MACROD2: variants seen among roughly 807,000 people sequenced by gnomAD.
MACROD2 encodes mono-ADP ribosylhydrolase 2.
Under a neutral mutation model 70.4 loss-of-function variants are expected in MACROD2, and 36 were observed. The ratio of observed to expected loss-of-function variants is 0.51; its 90% CI spans 0.39 to 0.68. MACROD2 has a LOEUF of 0.68. Among genes scored for constraint, MACROD2 ranks in the 30% least tolerant of loss-of-function variants. The pLI is 0.00. For synonymous variants in MACROD2, 172 were observed against 178.8 expected, an observed-to-expected ratio of 0.96 and a Z score of 0.30; for missense variants, 496 against 538.4, an observed-to-expected ratio of 0.92 and a Z score of 0.78.
intron 15 of MACROD2, among the ~76,000 whole-genome samples, chr20:16,025,236 G>A (rs555680397): frequency 1.3e-3 from 202 of 152,290 alleles, no homozygotes; most frequent in Middle Eastern, 6.8e-3. Flanking sequence ...TTTGGTGCTC[G>A]CAGAGTCCAT....
At chr20:14,800,453 A>G (rs1167165819) in intron 5 of MACROD2, among the ~76,000 whole-genome samples, 3 of 152,118 alleles carry the variant, frequency 2.0e-5, no homozygotes, top group Non-Finnish European at 4.4e-5. Context: ...GGTGAAAATC[A>G]TTGCCTACCA....
intron 4 of MACROD2, among the ~76,000 whole-genome samples, chr20:14,647,928 C>T (rs747998943): frequency 6.6e-6 from 1 of 152,070 alleles, no homozygotes; most frequent in Non-Finnish European, 1.5e-5. Flanking sequence ...GACCCAACAC[C>T]ACCTCTTTCC....
At position 15,589,760 on chromosome 20, in the gene MACROD2, G is replaced by A. The variant is rs9636533; in HGVS notation, c.645+89913G>A. On this transcript the variant is annotated intron_variant, in intron 8 of 17. Transcript: ENST00000684519. ...TTTGCCTTTTCCAGAATGTCATATA[G>A]TTGGAACCACTTAGTCTGTTCAGAC... 8.6e-3 allele frequency among the ~76,000 whole-genome samples: 1,302 copies of A among 152,234 alleles called. 10 individuals are homozygous for A. The highest frequency in any genetic ancestry group is 0.057 in the East Asian group (293 of 5,180).
intron 15 of MACROD2, among the ~76,000 whole-genome samples, chr20:16,013,030 C>T (rs368092111): frequency 6.6e-6 from 1 of 151,986 alleles, no homozygotes; most frequent in African/African-American, 2.4e-5. Context: ...AAATACAAAA[C>T]TTAGCTGGGC....
At chr20:14,270,636 T>C (rs2082184621) in intron 3 of MACROD2, among the ~76,000 whole-genome samples, 1 of 150,696 alleles carries the variant, frequency 6.6e-6, no homozygotes, top group Non-Finnish European at 1.5e-5. Context: ...TCTCTCAACC[T>C]CTTTTTTCAA....
chr20:15,279,133 C>T (rs887602788), intron 6 of MACROD2, among the ~76,000 whole-genome samples: 6 of 152,072 alleles, frequency 3.9e-5, no homozygotes, highest in Admixed American at 6.5e-5. Context: ...GAGTTATGAG[C>T]GACTTTAAAA....
At chr20:14,439,135 G>A (rs1309318766) in intron 3 of MACROD2, among the ~76,000 whole-genome samples, 2 of 152,144 alleles carry the variant, frequency 1.3e-5, no homozygotes, top group African/African-American at 4.8e-5. Flanking sequence ...TCAAGTTTTT[G>A]TAGCACTATT....
chr20:14,614,202 C>A (rs1282448925), intron 4 of MACROD2, among the ~76,000 whole-genome samples: 1 of 152,014 alleles, frequency 6.6e-6, no homozygotes, highest in African/African-American at 2.4e-5. Context: ...AACCTTCTGC[C>A]CTTTCATTTC....
intron 4 of MACROD2, among the ~76,000 whole-genome samples, chr20:14,628,009 C>G (rs143833464): frequency 1.0e-3 from 155 of 152,250 alleles, no homozygotes; most frequent in African/African-American, 3.7e-3. Flanking sequence ...CAGAGCAACA[C>G]AGAGAAAAAT....
intron 5 of MACROD2, among the ~76,000 whole-genome samples, chr20:14,739,374 A>T (rs1478909632): frequency 3.9e-5 from 6 of 151,940 alleles, no homozygotes; most frequent in Admixed American, 3.9e-4. Flanking sequence ...ATAATTACAT[A>T]TATTCATCTT....
intron 6 of MACROD2, among the ~76,000 whole-genome samples, chr20:15,410,799 G>C (rs1286024948): frequency 6.6e-6 from 1 of 152,126 alleles, no homozygotes; most frequent in Non-Finnish European, 1.5e-5. Flanking sequence ...AGTTCATTTT[G>C]AGTTGCCAAA....
chr20:14,525,266 G>T (rs2085218183), intron 4 of MACROD2, among the ~76,000 whole-genome samples: 1 of 152,170 alleles, frequency 6.6e-6, no homozygotes, highest in African/African-American at 2.4e-5. Context: ...AATTTGGGGA[G>T]ATTGTCTATT....
chr20:15,717,818 C>A (rs1349968633), intron 8 of MACROD2, among the ~76,000 whole-genome samples: 1 of 152,008 alleles, frequency 6.6e-6, no homozygotes, highest in African/African-American at 2.4e-5. Context: ...CTGGAAGCAA[C>A]AAGGACAGGC....
intron 10 of MACROD2, among the ~76,000 whole-genome samples, chr20:15,889,429 C>G (rs184694240): frequency 1.7e-3 from 259 of 152,292 alleles, no homozygotes; most frequent in Middle Eastern, 3.4e-3. Flanking sequence ...GCTTAAATAG[C>G]AGAGCCAGAA....
In MACROD2 at chr20:15,797,959, A is replaced by G. The variant is rs1375156931; in HGVS notation, c.646-64786A>G. On this transcript the variant is annotated intron_variant, in intron 8 of 17. Transcript: ENST00000684519. ...TCACAGACTTTTTCTGTAAAGAGTCATATAGTAAATATCTTATTTTTGGAA... is the reference window on the plus strand; with the variant it reads ...TCACAGACTTTTTCTGTAAAGAGTCGTATAGTAAATATCTTATTTTTGGAA... Among the ~76,000 whole-genome samples the G allele has an allele frequency of 3.3e-5, 5 of 152,240 alleles. No homozygotes were observed. In the East Asian group the frequency reaches 9.6e-4, roughly 29 times the overall value.
intron 2 of MACROD2, among the ~76,000 whole-genome samples, chr20:14,008,241 A>G (rs1367525197): frequency 6.6e-6 from 1 of 152,218 alleles, no homozygotes; most frequent in Non-Finnish European, 1.5e-5. Flanking sequence ...TCAGCCCAGT[A>G]GCTTTTCAAG....
chr20:14,412,705 T>A (rs183069779), intron 3 of MACROD2, among the ~76,000 whole-genome samples: 290 of 152,264 alleles, frequency 1.9e-3, no homozygotes, highest in Non-Finnish European at 2.0e-3. Context: ...TTAAAAAGAT[T>A]AAACAAACGA....
chr20:14,105,219 G>A (rs2054353202), intron 3 of MACROD2, among the ~76,000 whole-genome samples: 1 of 152,176 alleles, frequency 6.6e-6, no homozygotes, highest in Admixed American at 6.5e-5. Flanking sequence ...GTACCTGATT[G>A]TAACTTCATA....
chr20:15,779,072 A>C (rs33952091), intron 8 of MACROD2, among the ~76,000 whole-genome samples: 30,226 of 151,744 alleles, frequency 0.2, 3,077 homozygotes, highest in Non-Finnish European at 0.22. Context: ...ATAATTCACA[A>C]TGATAATTCA....
Sources: allele counts gnomAD v4.1 joint callset (sites outside exome capture counted in the v4.1 genomes callset), GRCh38; gene constraint gnomAD v4.1.1; transcripts MANE v1.5; gene names NCBI Gene and HGNC (gene_info 2026-07-23, HGNC 2026-07-21).